Variants in CSGALNACT1 observed in about 807,000 individuals in gnomAD.
The protein encoded by CSGALNACT1 is beta4GalNAcT-1.
In CSGALNACT1, 52 loss-of-function variants were observed where a neutral mutation model predicts 51.0. The ratio of observed to expected loss-of-function variants is 1.02; its 90% CI spans 0.82 to 1.29. The LOEUF (loss-of-function observed/expected upper bound fraction) is 1.29. Ranked by LOEUF, CSGALNACT1 falls within the 50% of genes most tolerant of loss-of-function variation. The pLI, the probability that CSGALNACT1 is intolerant of heterozygous loss-of-function variation, is 0.00. For synonymous variants in CSGALNACT1, 341 were observed against 254.4 expected (o/e 1.34, Z -3.24); for missense variants, 935 against 679.2 (o/e 1.38, Z -4.19).
chr8:19,539,945 C>T (rs1471643559), intron 3 of CSGALNACT1, among the ~76,000 whole-genome samples: 1 of 152,146 alleles, frequency 6.6e-6, no homozygotes, highest in Non-Finnish European at 1.5e-5. Context: ...GGGTGAGTAG[C>T]TGGCTCCATC....
exon 1 of CSGALNACT1, chr8:19,602,376 T>TC (rs1404901945): frequency 1.3e-5 from 2 of 152,808 alleles, no homozygotes; most frequent in Non-Finnish European, 2.9e-5. Context: ...TTTCCTTTTT[T>TC]CCCCAGAGAA....
chr8:19,458,384 C>A (rs756260304), intron 5 of CSGALNACT1, 42 bp downstream of exon 4: 1 of 1,459,960 alleles, frequency 6.8e-7, no homozygotes, highest in African/African-American at 1.4e-5. Context: ...TGTTCTAACA[C>A]ACATCATGCG....
At chr8:19,457,104 A>C (rs150124006) in intron 5 of CSGALNACT1, among the ~76,000 whole-genome samples, 1 of 152,318 alleles carries the variant, frequency 6.6e-6, no homozygotes, top group African/African-American at 2.4e-5. Flanking sequence ...TGCCTAGAGA[A>C]CCCTACGTCA....
chr8:19,652,791 C>A (rs1194015555), intron 1 of CSGALNACT1, among the ~76,000 whole-genome samples: 2 of 152,132 alleles, frequency 1.3e-5, no homozygotes, highest in Non-Finnish European at 2.9e-5. Context: ...ATAGATATTT[C>A]TCTGCTATTA....
At chr8:19,752,112 TATATA>T (rs1453154489) in intron 1 of CSGALNACT1, among the ~76,000 whole-genome samples, 3 of 140,210 alleles carry the variant, frequency 2.1e-5, no homozygotes, top group Admixed American at 7.5e-5. Context: ...TATTATATTA[TATATA>T]ATATAAAATG....
At chr8:19,697,787 G>T (rs1226299049) in intron 1 of CSGALNACT1, among the ~76,000 whole-genome samples, 1 of 152,170 alleles carries the variant, frequency 6.6e-6, no homozygotes, top group African/African-American at 2.4e-5. Flanking sequence ...TTCAGAAAAA[G>T]AGGCCTAGAA....
intron 2 of CSGALNACT1, among the ~76,000 whole-genome samples, chr8:19,601,041 A>C (rs1390971654): frequency 5.3e-5 from 8 of 151,850 alleles, no homozygotes. Flanking sequence ...ATACCATCGC[A>C]TGTCAACATT....
chr8:19,599,472 A>ATAAGAAAGAAAGAAAGAAAG (rs1554751246), intron 2 of CSGALNACT1, among the ~76,000 whole-genome samples: 2 of 113,736 alleles, frequency 1.8e-5, no homozygotes, highest in Admixed American at 1.0e-4. Flanking sequence ...GAAAGAAAGA[A>ATAAGAAAGAAAGAAAGAAAG]AAAGAAAGAA....
At chr8:19,477,445 G>A (rs1294310722) in intron 4 of CSGALNACT1, among the ~76,000 whole-genome samples, 1 of 152,084 alleles carries the variant, frequency 6.6e-6, no homozygotes, top group African/African-American at 2.4e-5. Context: ...CTCTTACTTT[G>A]GCCATAAAAT....
intron 3 of CSGALNACT1, among the ~76,000 whole-genome samples, chr8:19,548,003 A>G (rs2086896757): frequency 6.6e-6 from 1 of 152,218 alleles, no homozygotes. Context: ...TAAGTGATTC[A>G]TACGAGTGAT....
chr8:19,707,669 A>G (rs1302453938), intron 1 of CSGALNACT1, among the ~76,000 whole-genome samples: 3 of 148,568 alleles, frequency 2.0e-5, no homozygotes, highest in African/African-American at 7.4e-5. Context: ...TGTTTAACTA[A>G]TATGCTTTTT....
intron 4 of CSGALNACT1, among the ~76,000 whole-genome samples, chr8:19,461,586 G>A (rs75558406): frequency 0.16 from 2,944 of 18,296 alleles, 6 homozygotes; most frequent in East Asian, 0.32. Context: ...TTCACCATGG[G>A]GGGCGTATCC....
intron 1 of CSGALNACT1, among the ~76,000 whole-genome samples, chr8:19,668,779 C>G (rs2059572481): frequency 6.6e-6 from 1 of 152,182 alleles, no homozygotes; most frequent in Non-Finnish European, 1.5e-5. Flanking sequence ...TCTTGAACTC[C>G]TGACCTCAGG....
At chr8:19,531,548 T>C (rs1329726591) in intron 3 of CSGALNACT1, among the ~76,000 whole-genome samples, 2 of 152,222 alleles carry the variant, frequency 1.3e-5, no homozygotes, top group African/African-American at 2.4e-5. Flanking sequence ...CACCACCGCT[T>C]ACCAACTAAG....
intron 3 of CSGALNACT1, among the ~76,000 whole-genome samples, chr8:19,514,477 A>C (rs11780217): frequency 1.7e-5 from 1 of 58,162 alleles, no homozygotes; most frequent in Admixed American, 1.7e-4. Flanking sequence ...AACAGAGACT[A>C]TATATATATA....
intron 4 of CSGALNACT1, among the ~76,000 whole-genome samples, chr8:19,472,574 A>C (rs142207009): frequency 2.3e-4 from 35 of 152,346 alleles, no homozygotes; most frequent in African/African-American, 8.2e-4. Flanking sequence ...TGCAAATGCT[A>C]TGCTCCCAGA....
At chr8:19,559,491 A>T (rs552042315) in intron 3 of CSGALNACT1, among the ~76,000 whole-genome samples, 2 of 152,334 alleles carry the variant, frequency 1.3e-5, no homozygotes, top group East Asian at 3.9e-4. Flanking sequence ...GTATTAAGGC[A>T]TAAGTAAATA....
chr8:19,653,800 A>AG (rs2058035151), intron 1 of CSGALNACT1, among the ~76,000 whole-genome samples: 3 of 151,666 alleles, frequency 2.0e-5, no homozygotes, highest in African/African-American at 7.3e-5. Context: ...CTTGTCTTAA[A>AG]AAAAAAAAAA....
At chr8:19,528,059 G>C (rs1241739006) in intron 3 of CSGALNACT1, among the ~76,000 whole-genome samples, 1 of 152,102 alleles carries the variant, frequency 6.6e-6, no homozygotes, top group Non-Finnish European at 1.5e-5. Context: ...GCTGGAGAAG[G>C]AACTTCTGGA....
Sources: gnomAD v4.1 joint callset for allele counts (sites outside exome capture counted in the v4.1 genomes callset) on GRCh38, gnomAD v4.1.1 for gene constraint, MANE v1.5 for transcripts, NCBI Gene and HGNC (gene_info 2026-07-23, HGNC 2026-07-21) for gene names.